MGMT: variants seen among roughly 807,000 people sequenced by gnomAD.
MGMT encodes O-6-methylguanine-DNA methyltransferase.
A neutral mutation model predicts 15.9 loss-of-function variants in MGMT; 14 were observed. The observed-to-expected ratio is 0.88, with a 90% CI of 0.58 to 1.37. The LOEUF is 1.37. Ranked by LOEUF, MGMT falls within the 40% of genes most tolerant of loss-of-function variation. The pLI is 0.00. For synonymous variants in MGMT, 130 were observed against 118.2 expected (o/e 1.10, Z -0.65); for missense variants, 282 against 268.1 (o/e 1.05, Z -0.36).
chr10:129,602,308 C>T (rs1213421232), intron 2 of MGMT, among the ~76,000 whole-genome samples: 1 of 152,014 alleles, frequency 6.6e-6, no homozygotes, highest in East Asian at 1.9e-4. Flanking sequence ...GAACGCGCTT[C>T]CTGAAATCTC....
In MGMT at chr10:129,767,061, G is replaced by A. The variant is rs565487389; in HGVS notation, c.*64G>A. On this transcript the variant is annotated 3_prime_UTR_variant, in exon 5 of 5. Transcript: ENST00000651593. ...TGTAACACTGCATCGGATGCGGGGC[G>A]TGGAGGCACCGCTGTATTAAAGGAA... 47 of 1,329,310 alleles carry A rather than the reference G, an allele frequency of 3.5e-5. No homozygotes were observed. Among genetic ancestry groups the A allele is most frequent in the Admixed American group, 2.9e-4 (12 of 42,024 alleles). The allele number at this position is 1,329,310 out of a possible 1,614,324, so 82.3% of individuals were successfully genotyped here.
intron 1 of MGMT, among the ~76,000 whole-genome samples, chr10:129,475,874 AGTTGACCACCCTG>A (rs1345178667): frequency 5.3e-5 from 8 of 152,250 alleles, no homozygotes; most frequent in Non-Finnish European, 1.2e-4. Flanking sequence ...TCTTGGCCAT[AGTTGACCACCCTG>A]TGGTCATCCT....
At chr10:129,535,080 C>T (rs1482721110) in intron 1 of MGMT, among the ~76,000 whole-genome samples, 2 of 152,172 alleles carry the variant, frequency 1.3e-5, no homozygotes, top group Non-Finnish European at 2.9e-5. Flanking sequence ...AATTTGTTGC[C>T]CCTGCTCCAG....
intron 2 of MGMT, among the ~76,000 whole-genome samples, chr10:129,558,907 C>T (rs921230495): frequency 5.3e-5 from 8 of 152,186 alleles, no homozygotes; most frequent in Admixed American, 1.3e-4. Flanking sequence ...GCATCCCCGA[C>T]GCCGGGCTGG....
intron 3 of MGMT, among the ~76,000 whole-genome samples, chr10:129,727,066 G>C (rs901890013): frequency 6.6e-6 from 1 of 152,188 alleles, no homozygotes; most frequent in Non-Finnish European, 1.5e-5. Context: ...GCTGAATTCT[G>C]AAATACCATG....
chr10:129,616,151 C>G (rs1746476257), intron 2 of MGMT, among the ~76,000 whole-genome samples: 1 of 152,214 alleles, frequency 6.6e-6, no homozygotes, highest in East Asian at 1.9e-4. Context: ...GCCCTGCAAA[C>G]AAGAGCACTG....
At chr10:129,720,156 C>T (rs1048776224) in intron 3 of MGMT, among the ~76,000 whole-genome samples, 1 of 152,188 alleles carries the variant, frequency 6.6e-6, no homozygotes, top group African/African-American at 2.4e-5. Flanking sequence ...TTGTCATCTC[C>T]ACATGAAATG....
chr10:129,650,104 G>A (rs889181833), intron 2 of MGMT, among the ~76,000 whole-genome samples: 1 of 152,126 alleles, frequency 6.6e-6, no homozygotes. Flanking sequence ...TCACCGGCTC[G>A]TGGCCAGAGC....
chr10:129,579,135 A>T (rs1272814038), intron 2 of MGMT, among the ~76,000 whole-genome samples: 1 of 152,240 alleles, frequency 6.6e-6, no homozygotes, highest in Admixed American at 6.5e-5. Context: ...ATTGAATTAA[A>T]ACAAGAAATT....
chr10:129,729,438 TGCCA>T (rs1269215890), intron 3 of MGMT, among the ~76,000 whole-genome samples: 1 of 152,162 alleles, frequency 6.6e-6, no homozygotes, highest in Non-Finnish European at 1.5e-5. Context: ...CCTGCCGAGC[TGCCA>T]GCCTCACCTG....
intron 2 of MGMT, among the ~76,000 whole-genome samples, chr10:129,553,950 G>C (rs1317030949): frequency 6.6e-6 from 1 of 152,240 alleles, no homozygotes; most frequent in East Asian, 1.9e-4. Flanking sequence ...CTGATACAAA[G>C]AGCAGCATGA....
At chr10:129,657,674 A>AACACACACACACACAC (rs60284981) in intron 2 of MGMT, among the ~76,000 whole-genome samples, 12 of 93,510 alleles carry the variant, frequency 1.3e-4, no homozygotes, top group South Asian at 4.2e-4. Flanking sequence ...CAGCTCCTCC[A>AACACACACACACACAC]ACACACACAC....
intron 4 of MGMT, among the ~76,000 whole-genome samples, chr10:129,762,786 G>A (rs932607167): frequency 1.3e-5 from 2 of 152,126 alleles, no homozygotes; most frequent in African/African-American, 4.8e-5. Flanking sequence ...CCGTCACCCG[G>A]ATGGCTGCTG....
rs140686781 is a variant in MGMT at position 129,541,221 on chromosome 10, A to T, written c.125+4844A>T. The stretch of plus-strand genomic sequence containing the variant: ...CATAGTTACCTTTCCCTCCCTAAAA[A>T]CGTGTGAGAAGCACATCAGTTGGGA... On this transcript the variant is annotated intron_variant, in intron 2 of 4. Coordinates refer to ENST00000651593, the MANE Select transcript of MGMT (RefSeq NM_002412.5). Among the ~76,000 whole-genome samples, 1,180 of 152,320 alleles carry T rather than the reference A, an allele frequency of 7.7e-3. 14 individuals are homozygous for T. Among genetic ancestry groups the T allele is most frequent in the African/African-American group, 0.027 (1,132 of 41,548 alleles).
intron 2 of MGMT, among the ~76,000 whole-genome samples, chr10:129,550,287 C>T (rs558697267): frequency 6.6e-6 from 1 of 151,130 alleles, no homozygotes; most frequent in Admixed American, 6.6e-5. Context: ...CGCCACCCAG[C>T]ACCGGCATGT....
chr10:129,725,998 A>C (rs1848429376), intron 3 of MGMT, among the ~76,000 whole-genome samples: 1 of 152,000 alleles, frequency 6.6e-6, no homozygotes, highest in Admixed American at 6.6e-5. Context: ...CCCTCTTCTC[A>C]CAGAACGAGC....
At chr10:129,663,132 C>A (rs1363305955) in intron 2 of MGMT, among the ~76,000 whole-genome samples, 2 of 152,072 alleles carry the variant, frequency 1.3e-5, no homozygotes, top group Non-Finnish European at 2.9e-5. Flanking sequence ...AAAAGCTTAT[C>A]AAAAATTAGG....
intron 2 of MGMT, among the ~76,000 whole-genome samples, chr10:129,610,322 A>G (rs1846944434): frequency 6.6e-6 from 1 of 152,134 alleles, no homozygotes; most frequent in African/African-American, 2.4e-5. Flanking sequence ...CTGCAAGTCA[A>G]CCCTCAACCC....
At chr10:129,508,906 G>GA (rs1241592396) in intron 1 of MGMT, among the ~76,000 whole-genome samples, 3 of 151,784 alleles carry the variant, frequency 2.0e-5, no homozygotes, top group Non-Finnish European at 4.4e-5. Flanking sequence ...TTACTTGGTT[G>GA]AAAAAAAGGC....
Sources: allele counts gnomAD v4.1 joint callset (sites outside exome capture counted in the v4.1 genomes callset), GRCh38; gene constraint gnomAD v4.1.1; transcripts MANE v1.5; gene names NCBI Gene and HGNC (gene_info 2026-07-23, HGNC 2026-07-21).